The following LRRC15 variants were observed in gnomAD, a reference collection of about 807,000 sequenced individuals.
LRRC15 encodes leucine-rich repeat-containing protein 15.
In LRRC15, 5 loss-of-function variants were observed where a neutral mutation model predicts 4.3. That is an observed-to-expected ratio of 1.16 (90% CI 0.61 to 2.44). The LOEUF is 2.44. Among genes scored for constraint, LRRC15 ranks in the 30% most tolerant of loss-of-function variants. LRRC15 has a pLI of 0.01. For missense variants in LRRC15, 769 were observed against 747.0 expected (o/e 1.03, Z -0.34); for synonymous variants, 337 against 323.2 (o/e 1.04, Z -0.46).
At chr3:194,367,798 T>A (rs1004945709) in intron 1 of LRRC15, among the ~76,000 whole-genome samples, 1 of 152,220 alleles carries the variant, frequency 6.6e-6, no homozygotes, top group African/African-American at 2.4e-5. Flanking sequence ...GGGACCCGCG[T>A]CTCTCATCTC....
At chr3:194,363,406 G>T in intron 1 of LRRC15, 1 of 696,860 alleles carries the variant, frequency 1.4e-6, no homozygotes, top group South Asian at 1.6e-5. Flanking sequence ...TTATGCTAGG[G>T]ACACATCTGA....
rs146552273 is a variant in LRRC15, at chr3:194,367,144, G to A, written c.-4+2517C>T. On this transcript the variant is annotated intron_variant, in intron 1 of 1. Transcript: ENST00000347624. ...TCTTTAAGGCTGCTCTGATGCTGGT[G>A]TTTGTTCAATTCCACCTGAGTCTCC... Among the ~76,000 whole-genome samples, 23 of 152,274 alleles carry A rather than the reference G, an allele frequency of 1.5e-4. 1 individual carries two copies. Among genetic ancestry groups the A allele is most frequent in the African/African-American group, 5.5e-4 (23 of 41,562 alleles).
Position 194,360,293 on chromosome 3 carries a change from A to G in LRRC15, c.751T>C (p.Tyr251His). 1 of 1,614,158 alleles carries G rather than the reference A, an allele frequency of 6.2e-7. No homozygotes were observed. Residue 251 changes from tyrosine to histidine, a missense_variant, in exon 2 of 2, where the codon TAC (tyrosine) becomes CAC (histidine). Physicochemically the swap from Tyr to His is moderately conservative, Grantham distance 83. Coordinates refer to ENST00000347624, the MANE Select transcript of LRRC15 (RefSeq NM_130830.5). Reference protein sequence around the residue: ...FHNNHNLQRLYLSNNHISQLP... With the variant: ...FHNNHNLQRLHLSNNHISQLP... ...TGGGAGATGTGGTTGTTGGACAGGTAGAGTCTCTGGAGGTTGTGGTTGTTG... is the reference window on the plus strand; with the variant it reads ...TGGGAGATGTGGTTGTTGGACAGGTGGAGTCTCTGGAGGTTGTGGTTGTTG...
rs781673935 is a variant in LRRC15 at position 194,361,088 on chromosome 3, C to T, written c.-3-42G>A. 1.3e-5 allele frequency: 19 copies of T among 1,457,942 alleles called. No individual in the cohort carries two copies. In the East Asian group the frequency reaches 4.3e-4, roughly 33 times the overall value. 90.3% of individuals were successfully genotyped at this position (1,457,942 alleles called of 1,614,324 possible). A position where few individuals can be genotyped will look rare whatever the true frequency, so the allele number is the denominator to read the frequency against. On this transcript the variant is annotated intron_variant, in intron 1 of 1. Coordinates refer to ENST00000347624, the MANE Select transcript of LRRC15 (RefSeq NM_130830.5). ...AGCACACGTTAGTCAGGGTCCTCTA[C>T]CTGACACTGGCAAGTTTTAAGCCAA... is the stretch of plus-strand genomic sequence containing the variant.
intron 1 of LRRC15, among the ~76,000 whole-genome samples, chr3:194,369,273 A>G (rs952870312): frequency 6.6e-6 from 1 of 152,186 alleles, no homozygotes; most frequent in Admixed American, 6.5e-5. Flanking sequence ...TTAAAAAGAG[A>G]AGTTCTTCCC....
intron 1 of LRRC15, among the ~76,000 whole-genome samples, chr3:194,369,211 G>A (rs1713872002): frequency 6.6e-6 from 1 of 152,264 alleles, no homozygotes; most frequent in Admixed American, 6.5e-5. Flanking sequence ...ACCACTGGGA[G>A]CCACCAGGGC....
chr3:194,362,735 A>G (rs1210597602), intron 1 of LRRC15, among the ~76,000 whole-genome samples: 1 of 152,184 alleles, frequency 6.6e-6, no homozygotes, highest in Middle Eastern at 3.2e-3. Context: ...CACAGAAGCC[A>G]TCAATGGTTG....
intron 1 of LRRC15, among the ~76,000 whole-genome samples, chr3:194,367,001 G>T (rs1183813250): frequency 1.3e-5 from 2 of 152,204 alleles, no homozygotes; most frequent in East Asian, 3.9e-4. Context: ...AGGTGGATTT[G>T]CACCCTCCAG....
chr3:194,369,504 A>G (rs570664736), intron 1 of LRRC15, among the ~76,000 whole-genome samples, 157 bp downstream of exon 1: 1 of 123,262 alleles, frequency 8.1e-6, no homozygotes, highest in Admixed American at 9.2e-5. Flanking sequence ...CCCCTCCAGC[A>G]CAGGCTGCTT....
At position 194,357,185 on chromosome 3, in the gene LRRC15, T is replaced by C. The variant is rs1439415115; in HGVS notation, c.*2113A>G. The C allele has an allele frequency of 6.6e-6, 1 of 152,280 alleles. No homozygotes were observed. Among genetic ancestry groups the C allele is most frequent in the Non-Finnish European group, 1.5e-5 (1 of 68,098 alleles). 9.4% of individuals were successfully genotyped at this position (152,280 alleles called of 1,614,324 possible). A position where few individuals can be genotyped will look rare whatever the true frequency, so the allele number is the denominator to read the frequency against. ...TTGTGCAGGAACTGGAAGGGAAAACTGGTCAGCACGTGCTCCTGTGGCCCT... is the reference window on the plus strand; with the variant it reads ...TTGTGCAGGAACTGGAAGGGAAAACCGGTCAGCACGTGCTCCTGTGGCCCT... On this transcript the variant is annotated 3_prime_UTR_variant, in exon 2 of 2. Coordinates refer to ENST00000347624, the MANE Select transcript of LRRC15 (RefSeq NM_130830.5).
chr3:194,368,709 G>A (rs1713852239), intron 1 of LRRC15, among the ~76,000 whole-genome samples: 1 of 152,150 alleles, frequency 6.6e-6, no homozygotes, highest in Non-Finnish European at 1.5e-5. Flanking sequence ...TCATCTCAGA[G>A]AGAGTGCAGC....
At chr3:194,363,934 A>G (rs1167137312) in intron 1 of LRRC15, among the ~76,000 whole-genome samples, 1 of 152,212 alleles carries the variant, frequency 6.6e-6, no homozygotes, top group Non-Finnish European at 1.5e-5. Flanking sequence ...AGCATCCCTG[A>G]AGGGCTGCCA....
intron 1 of LRRC15, among the ~76,000 whole-genome samples, chr3:194,364,677 C>G (rs568832827): frequency 6.6e-6 from 1 of 152,352 alleles, no homozygotes; most frequent in East Asian, 1.9e-4. Flanking sequence ...AGATAATTCC[C>G]TATGGGAACA....
At chr3:194,369,324 G>T (rs1266939025) in intron 1 of LRRC15, among the ~76,000 whole-genome samples, 2 of 152,226 alleles carry the variant, frequency 1.3e-5, no homozygotes, top group African/African-American at 4.8e-5. Context: ...CCAGTGACAA[G>T]GGGGGTGATA....
At chr3:194,362,939 G>GTTT (rs140437995) in intron 1 of LRRC15, among the ~76,000 whole-genome samples, 13 of 78,368 alleles carry the variant, frequency 1.7e-4, no homozygotes, top group East Asian at 3.0e-4. Flanking sequence ...CCTTGATTTT[G>GTTT]TTTTTTTTTT....
Position 194,360,051 on chromosome 3 carries a change from G to C in LRRC15, c.993C>G (p.Phe331Leu). ...GCCCGTTGAAGGCACCCGGGGAGAT[G>C]AAGCTGATCTGATTGCGGCTAAGAA... ...VLILSRNQIS[F>L]ISPGAFNGLT... Residue 331 changes from phenylalanine to leucine, a missense_variant, in exon 2 of 2, where the codon TTC becomes TTG. Physicochemically the swap from Phe to Leu is conservative, Grantham distance 22. Transcript: ENST00000347624. 6.2e-7 allele frequency: 1 copy of C among 1,614,240 alleles called. No homozygotes were observed. The highest frequency in any genetic ancestry group is 1.1e-5 in the South Asian group (1 of 91,084).
Position 194,359,101 on chromosome 3 carries a change from T to C in LRRC15, c.*197A>G, listed in dbSNP as rs2108656645. 3.8e-6 allele frequency: 2 copies of C among 522,064 alleles called. No individual in the cohort carries two copies. Among genetic ancestry groups the C allele is most frequent in the South Asian group, 6.6e-5 (2 of 30,158 alleles). 32.3% of individuals were successfully genotyped at this position (522,064 alleles called of 1,614,324 possible). Reference sequence around the variant, plus strand: ...CCATGGCCAGTTGGATCTATCTTCCTGATTGTAGGAAGGTCCGGCACGACC... The same window carrying C: ...CCATGGCCAGTTGGATCTATCTTCCCGATTGTAGGAAGGTCCGGCACGACC... On this transcript the variant is annotated 3_prime_UTR_variant, in exon 2 of 2. Transcript: ENST00000347624.
In LRRC15 at chr3:194,360,861, G is replaced by A; in HGVS notation, c.183C>T (p.Leu61=). ...LPWNAMSLQI[L]NTHITELNES... ...CATTGAGTTCAGTGATGTGCGTGTT[G>A]AGGATCTGCAGGCTCATGGCGTTCC... The change falls in exon 2 of 2, where the codon CTC becomes CTT. Residue 61 remains leucine, a synonymous_variant. Coordinates refer to ENST00000347624, the MANE Select transcript of LRRC15 (RefSeq NM_130830.5). 1 of 1,610,650 alleles carries A rather than the reference G, an allele frequency of 6.2e-7. No homozygotes were observed. The highest frequency in any genetic ancestry group is 1.1e-5 in the South Asian group (1 of 90,902).
intron 1 of LRRC15, chr3:194,363,324 G>C: frequency 2.8e-6 from 2 of 708,380 alleles, no homozygotes; most frequent in Non-Finnish European, 5.2e-6. Flanking sequence ...TAAGCATATA[G>C]AACAATGGAA....
Sources: gnomAD v4.1 joint callset for allele counts (sites outside exome capture counted in the v4.1 genomes callset) on GRCh38, gnomAD v4.1.1 for gene constraint, MANE v1.5 for transcripts, NCBI Gene and HGNC (gene_info 2026-07-23, HGNC 2026-07-21) for gene names.